Variants in PRH1 observed in about 807,000 individuals in gnomAD.
PRH1 encodes salivary acidic proline-rich phosphoprotein 1/2.
Under a neutral mutation model 7.9 loss-of-function variants are expected in PRH1, and 7 were observed. The ratio of observed to expected loss-of-function variants is 0.89; its 90% CI spans 0.50 to 1.67. The LOEUF (loss-of-function observed/expected upper bound fraction) is 1.67, where lower values mean the gene tolerates loss of function less well. PRH1 is among the 40% of genes most tolerant of loss of function. The probability of loss-of-function intolerance (pLI) is 0.00; values close to 1 mark genes in which losing one functional copy is unlikely to be tolerated. For synonymous variants in PRH1, 45 were observed against 80.8 expected (o/e 0.56, Z 2.38); for missense variants, 109 against 223.6 (o/e 0.49, Z 3.27).
intron 1 of PRH1, among the ~76,000 whole-genome samples, chr12:11,122,283 C>T (rs1346668535): frequency 6.6e-6 from 1 of 152,250 alleles, no homozygotes; most frequent in Non-Finnish European, 1.5e-5. Flanking sequence ...ATGCCACTGC[C>T]TGATCTAGCC....
intron 1 of PRH1, chr12:10,986,489 T>C (rs761617355): frequency 4.3e-6 from 7 of 1,613,784 alleles, no homozygotes; most frequent in South Asian, 2.2e-5. Context: ...CACTCCTAAC[T>C]CTCCTCTTTA....
At chr12:10,903,941 A>AAAAAAAAAAAAAAAAAAAAAAAC (rs1949762913) in intron 2 of PRH1, among the ~76,000 whole-genome samples, 1 of 144,998 alleles carries the variant, frequency 6.9e-6, no homozygotes, top group African/African-American at 2.5e-5. Flanking sequence ...CAAAAAAAAA[A>AAAAAAAAAAAAAAAAAAAAAAAC]AAAAAAAAAA....
At chr12:10,914,742 G>C (rs1949949337) in intron 2 of PRH1, among the ~76,000 whole-genome samples, 1 of 152,152 alleles carries the variant, frequency 6.6e-6, no homozygotes, top group Non-Finnish European at 1.5e-5. Flanking sequence ...AAATATATCA[G>C]AAAGAAGAGT....
At chr12:10,931,467 A>C (rs952733425) in intron 2 of PRH1, among the ~76,000 whole-genome samples, 1 of 152,206 alleles carries the variant, frequency 6.6e-6, no homozygotes, top group African/African-American at 2.4e-5. Flanking sequence ...CAAGTCCAGT[A>C]TTCCTGCTAA....
At chr12:11,126,075 T>A (rs1021493190) in intron 1 of PRH1, among the ~76,000 whole-genome samples, 6 of 138,442 alleles carry the variant, frequency 4.3e-5, no homozygotes, top group African/African-American at 1.6e-4. Context: ...ACATAACATA[T>A]ATATAAATTA....
Position 10,923,907 on chromosome 12 carries a change from A to AT in PRH1, c.-58-39633dup, listed in dbSNP as rs1950086503. 2.0e-5 allele frequency among the ~76,000 whole-genome samples: 3 copies of AT among 150,162 alleles called. No individual in the cohort carries two copies. In the South Asian group the frequency reaches 6.3e-4, roughly 32 times the overall value. On this transcript the variant is annotated intron_variant, in intron 2 of 3. Transcript: ENST00000539853. ...AACTTGCTTTTACTGTCTTATTAAA[A>AT]TTTTGCTAGTTATCACTCTCTTTTC...
intron 2 of PRH1, chr12:10,965,058 C>A (rs1261034842): frequency 1.9e-6 from 2 of 1,068,746 alleles, no homozygotes; most frequent in Non-Finnish European, 2.8e-6. Flanking sequence ...AGGCTAGTAG[C>A]AACCCAGATG....
intron 1 of PRH1, among the ~76,000 whole-genome samples, chr12:10,999,755 G>A (rs1005044815): frequency 3.3e-5 from 5 of 152,016 alleles, no homozygotes; most frequent in African/African-American, 1.2e-4. Flanking sequence ...TTACCAGCTA[G>A]GTTCACAACC....
downstream of PRH1, among the ~76,000 whole-genome samples, chr12:11,119,990 G>A (rs7294336): frequency 0.22 from 33,983 of 152,166 alleles, 3,835 homozygotes; most frequent in Non-Finnish European, 0.24. Flanking sequence ...TAAAAAGGAT[G>A]TATATGACTA....
chr12:11,127,886 C>T (rs1483469261), intron 1 of PRH1, among the ~76,000 whole-genome samples: 1 of 147,648 alleles, frequency 6.8e-6, no homozygotes, highest in African/African-American at 2.5e-5. Context: ...GCGGGCTGAT[C>T]ACGAGGTCAG....
intron 2 of PRH1, chr12:10,895,947 T>C (rs1432071769): frequency 1.3e-5 from 2 of 152,254 alleles, no homozygotes; most frequent in African/African-American, 2.4e-5. Flanking sequence ...TGCACTGTTA[T>C]AGATTTATAT....
chr12:11,013,932 T>TTC (rs1230179197), intron 1 of PRH1, among the ~76,000 whole-genome samples: 9,141 of 102,814 alleles, frequency 0.089, no homozygotes, highest in East Asian at 0.37. Flanking sequence ...TTTCACCATG[T>TTC]TTCCCAGGTT....
In PRH1 at chr12:11,071,684, T is replaced by C. The variant is rs74062430; in HGVS notation, n.124-24496A>G. ...AATAAATGCCAAGAAGGCCAGCAAG[T>C]TGGGGCGGCAGCTGACAGCACTCTT... On this transcript the variant is annotated intron_variant and non_coding_transcript_variant, in intron 1 of 4. Transcript: ENST00000541977. 9.6e-3 allele frequency among the ~76,000 whole-genome samples: 1,452 copies of C among 151,664 alleles called. 23 individuals are homozygous for C. Among genetic ancestry groups the C allele is most frequent in the African/African-American group, 0.032 (1,343 of 41,368 alleles).
intron 1 of PRH1, among the ~76,000 whole-genome samples, chr12:11,072,730 T>TGAGCA (rs1423349038): frequency 6.6e-6 from 1 of 150,448 alleles, no homozygotes; most frequent in African/African-American, 2.4e-5. Flanking sequence ...GTATCTTCCC[T>TGAGCA]GAGCAGAGCA....
At chr12:10,987,081 C>T (rs1160687733) in intron 1 of PRH1, among the ~76,000 whole-genome samples, 1 of 152,132 alleles carries the variant, frequency 6.6e-6, no homozygotes, top group East Asian at 1.9e-4. Flanking sequence ...ATTTTCAAAA[C>T]AGCTCAAATT....
At chr12:11,076,234 T>C (rs1328021090) in intron 1 of PRH1, among the ~76,000 whole-genome samples, 2 of 148,146 alleles carry the variant, frequency 1.4e-5, no homozygotes, top group South Asian at 4.2e-4. Flanking sequence ...TTGGTATCAA[T>C]GGATACATCA....
chr12:10,935,121 G>A (rs991920165), intron 2 of PRH1, among the ~76,000 whole-genome samples: 3 of 152,096 alleles, frequency 2.0e-5, no homozygotes, highest in African/African-American at 7.2e-5. Context: ...AATGCTGAGT[G>A]CTGATAATTT....
Position 10,881,965 on chromosome 12 carries a change from A to C in PRH1, c.*18+252T>G, listed in dbSNP as rs77648584. 2.2e-4 allele frequency among the ~76,000 whole-genome samples: 34 copies of C among 152,312 alleles called. 1 individual carries two copies. The East Asian group carries it at 6.6e-3, about 29-fold the overall frequency. ...AGGGGGAACATGGTTCTATGTCCTC[A>C]TTGTCAACCCTACTTAAGACATGTA... On this transcript the variant is annotated intron_variant, in intron 3 of 3. Coordinates refer to ENST00000543626, the MANE Select transcript of PRH1 (RefSeq NM_001393989.1).
intron 1 of PRH1, among the ~76,000 whole-genome samples, chr12:11,150,730 T>C (rs1178484161): frequency 7.2e-5 from 11 of 151,898 alleles, no homozygotes. Context: ...AAATGACGAG[T>C]TAATGGGTGC....
Sources: allele counts gnomAD v4.1 joint callset (sites outside exome capture counted in the v4.1 genomes callset), GRCh38; gene constraint gnomAD v4.1.1; transcripts MANE v1.5; gene names NCBI Gene and HGNC (gene_info 2026-07-23, HGNC 2026-07-21).